Variants in UBR3 observed in about 807,000 individuals in gnomAD.
The protein encoded by UBR3 is ubiquitin protein ligase E3 component n-recognin 3, also known as E3 ubiquitin-protein ligase UBR3.
A neutral mutation model predicts 243.2 loss-of-function variants in UBR3; 85 were observed. The observed-to-expected ratio is 0.35, with a 90% CI of 0.29 to 0.42. The LOEUF (loss-of-function observed/expected upper bound fraction) is 0.42, where lower values mean the gene tolerates loss of function less well. UBR3 is among the 10% of genes least tolerant of loss of function. The pLI, the probability that UBR3 is intolerant of heterozygous loss-of-function variation, is 1.00. For synonymous variants in UBR3, 748 were observed against 799.8 expected, an observed-to-expected ratio of 0.94 and a Z score of 1.09; for missense variants, 1,686 against 2,300.8, an observed-to-expected ratio of 0.73 and a Z score of 5.47.
intron 26 of UBR3, among the ~76,000 whole-genome samples, chr2:169,996,557 G>C (rs953078949): frequency 6.6e-6 from 1 of 152,026 alleles, no homozygotes; most frequent in Non-Finnish European, 1.5e-5. Context: ...TCATGCTTCC[G>C]TATATTTTCA....
At chr2:169,900,368 G>A (rs2084771124) in intron 8 of UBR3, among the ~76,000 whole-genome samples, 1 of 152,120 alleles carries the variant, frequency 6.6e-6, no homozygotes, top group Admixed American at 6.5e-5. Flanking sequence ...ATTTGTTTAA[G>A]TTCTTTGTAG....
intron 2 of UBR3, among the ~76,000 whole-genome samples, chr2:169,873,332 A>C (rs1389721487): frequency 6.6e-6 from 1 of 152,180 alleles, no homozygotes; most frequent in African/African-American, 2.4e-5. Context: ...AAAAATATAC[A>C]ATCCTTTGTT....
intron 1 of UBR3, among the ~76,000 whole-genome samples, chr2:169,837,759 GTGGGGATTA>G (rs937652034): frequency 1.3e-5 from 2 of 152,222 alleles, no homozygotes; most frequent in African/African-American, 4.8e-5. Context: ...CCCTTGACGT[GTGGGGATTA>G]TGGGGATTAC....
chr2:169,912,725 A>C (rs1257120905), intron 10 of UBR3, among the ~76,000 whole-genome samples: 1 of 152,104 alleles, frequency 6.6e-6, no homozygotes, highest in Non-Finnish European at 1.5e-5. Context: ...ATACATAGGA[A>C]TGGAATTGCT....
intron 1 of UBR3, among the ~76,000 whole-genome samples, chr2:169,845,943 T>C (rs1412331317): frequency 1.3e-5 from 2 of 152,344 alleles, no homozygotes; most frequent in East Asian, 3.9e-4. Context: ...TGTCAATTTA[T>C]TTAAAATAGT....
chr2:169,863,787 AT>A (rs2083165349), intron 1 of UBR3, among the ~76,000 whole-genome samples: 4 of 152,192 alleles, frequency 2.6e-5, no homozygotes. Context: ...AGTGACATGA[AT>A]TTTAGGATCA....
chr2:169,977,114 C>T (rs1475754231), intron 24 of UBR3, among the ~76,000 whole-genome samples: 1 of 151,958 alleles, frequency 6.6e-6, no homozygotes, highest in Admixed American at 6.6e-5. Flanking sequence ...ATTTCTTATG[C>T]ATAAGAAATT....
chr2:169,842,999 C>T (rs1205947727), intron 1 of UBR3, among the ~76,000 whole-genome samples: 1 of 152,170 alleles, frequency 6.6e-6, no homozygotes, highest in Non-Finnish European at 1.5e-5. Context: ...ACCAACATTC[C>T]ATTCTTCCTT....
At position 170,007,098 on chromosome 2, in the gene UBR3, G is replaced by A; in HGVS notation, c.4138G>A (p.Glu1380Lys). 6.2e-7 allele frequency: 1 copy of A among 1,613,554 alleles called. No homozygotes were observed. Among genetic ancestry groups the A allele is most frequent in the Non-Finnish European group, 8.5e-7 (1 of 1,179,950 alleles). Residue 1380 changes from glutamate to lysine, a missense_variant, in exon 28 of 39, where the codon GAA becomes AAA. Glu to Lys is a moderately conservative substitution (Grantham distance 56, BLOSUM62 1). Coordinates refer to ENST00000272793, the MANE Select transcript of UBR3 (RefSeq NM_172070.4). ...TCCATGTTATCCTGGAAGCAATGTG[G>A]AAAATAACCCTTGGCAACGTCCTAG... ...VLPCYPGSNV[E>K]NNPWQRPSNK...
intron 35 of UBR3, among the ~76,000 whole-genome samples, chr2:170,071,536 G>A (rs1157505268): frequency 6.6e-6 from 1 of 151,936 alleles, no homozygotes; most frequent in African/African-American, 2.4e-5. Flanking sequence ...TGTGATGGTG[G>A]GTGCATGACT....
chr2:169,890,540 GAT>G lies in UBR3; in HGVS notation c.1039-602_1039-601del, dbSNP rs1188196959. Among the ~76,000 whole-genome samples, 42 of 76,000 alleles carry G rather than the reference GAT, an allele frequency of 5.5e-4. 2 individuals carry two copies. Among genetic ancestry groups the G allele is most frequent in the African/African-American group, 2.5e-3 (39 of 15,672 alleles). 49.9% of individuals were successfully genotyped at this position (76,000 alleles called of 152,430 possible). ...GGTTTTTCTAGGAGAGAGAGAGAGA[GAT>G]ATATATATATATATATATATATGTG... On this transcript the variant is annotated intron_variant, in intron 5 of 38. Coordinates refer to ENST00000272793, the MANE Select transcript of UBR3 (RefSeq NM_172070.4).
At chr2:169,956,220 CTCTCTA>C (rs1397279039) in intron 23 of UBR3, among the ~76,000 whole-genome samples, 1 of 151,470 alleles carries the variant, frequency 6.6e-6, no homozygotes, top group African/African-American at 2.4e-5. Flanking sequence ...CTCTCTCTCT[CTCTCTA>C]TCTGTGTATC....
At chr2:169,847,013 T>C (rs954954276) in intron 1 of UBR3, among the ~76,000 whole-genome samples, 1 of 152,118 alleles carries the variant, frequency 6.6e-6, no homozygotes, top group Non-Finnish European at 1.5e-5. Context: ...GCTGGGATTA[T>C]AGGCGTGAGC....
intron 27 of UBR3, among the ~76,000 whole-genome samples, chr2:170,001,701 GCCTGGCCAACGTGGCCA>G (rs1249706618): frequency 6.6e-6 from 1 of 151,838 alleles, no homozygotes; most frequent in Non-Finnish European, 1.5e-5. Flanking sequence ...TTCGAGACCA[GCCTGGCCAACGTGGCCA>G]CCTGGCCAAC....
chr2:170,077,233 T>G (rs1387609246), intron 36 of UBR3: 2 of 723,898 alleles, frequency 2.8e-6, no homozygotes, highest in East Asian at 5.5e-5. Flanking sequence ...GTCAGACCAG[T>G]AAGACTGCAT....
At position 169,989,844 on chromosome 2, in the gene UBR3, G is replaced by A. The variant is rs759286872; in HGVS notation, c.3784+3050G>A. Among the ~76,000 whole-genome samples, 37 of 152,110 alleles carry A rather than the reference G, an allele frequency of 2.4e-4. 1 individual carries two copies. Among genetic ancestry groups the A allele is most frequent in the Non-Finnish European group, 1.2e-4 (8 of 67,980 alleles). ...TAGTTACTTTCTTGTTGATGCTCGTGTTCTTCCATCTTTGTTCACTGAGAG... is the reference window on the plus strand; with the variant it reads ...TAGTTACTTTCTTGTTGATGCTCGTATTCTTCCATCTTTGTTCACTGAGAG... On this transcript the variant is annotated intron_variant, in intron 25 of 38. Coordinates refer to ENST00000272793, the MANE Select transcript of UBR3 (RefSeq NM_172070.4).
intron 19 of UBR3, among the ~76,000 whole-genome samples, chr2:169,935,675 TTATATA>T: frequency 6.6e-6 from 1 of 152,348 alleles, no homozygotes; most frequent in African/African-American, 2.4e-5. Context: ...ATGTATGAGT[TTATATA>T]TATCATTTTT....
At chr2:169,958,632 C>A in intron 24 of UBR3, 106 bp downstream of exon 24, 1 of 976,834 alleles carries the variant, frequency 1.0e-6, no homozygotes, top group Non-Finnish European at 1.5e-6. Context: ...CTTTTGATTT[C>A]TAGTGTTTAT....
At position 169,879,989 on chromosome 2, in the gene UBR3, G is replaced by A. The variant is rs552431010; in HGVS notation, c.1038+1415G>A. Among the ~76,000 whole-genome samples, 7 of 152,198 alleles carry A rather than the reference G, an allele frequency of 4.6e-5. No homozygotes were observed. In the South Asian group the frequency reaches 1.0e-3, roughly 23 times the overall value. ...GTGGAAGTAAGACTGCTAATTCTTCGTATGCCAAAGAAGGAAGTAATTGGT... is the reference window on the plus strand; with the variant it reads ...GTGGAAGTAAGACTGCTAATTCTTCATATGCCAAAGAAGGAAGTAATTGGT... On this transcript the variant is annotated intron_variant, in intron 5 of 38. Coordinates refer to ENST00000272793, the MANE Select transcript of UBR3 (RefSeq NM_172070.4).
Sources: gnomAD v4.1 joint callset for allele counts (sites outside exome capture counted in the v4.1 genomes callset) on GRCh38, gnomAD v4.1.1 for gene constraint, MANE v1.5 for transcripts, NCBI Gene and HGNC (gene_info 2026-07-23, HGNC 2026-07-21) for gene names.